The following FAM135B variants were observed in gnomAD, a reference collection of about 807,000 sequenced individuals.
FAM135B encodes protein FAM135B.
A neutral mutation model predicts 127.7 loss-of-function variants in FAM135B; 43 were observed. That is an observed-to-expected ratio of 0.34 (90% CI 0.26 to 0.43). FAM135B has a LOEUF of 0.43. Ranked by LOEUF, FAM135B falls within the 20% of genes least tolerant of loss-of-function variation. The probability of loss-of-function intolerance (pLI) is 1.00; values close to 1 mark genes in which losing one functional copy is unlikely to be tolerated. For synonymous variants in FAM135B, 670 were observed against 665.1 expected (o/e 1.01, Z -0.11); for missense variants, 1,558 against 1,725.6 (o/e 0.90, Z 1.72).
At chr8:138,154,025 G>A (rs1348349057) in intron 12 of FAM135B, among the ~76,000 whole-genome samples, 3 of 152,190 alleles carry the variant, frequency 2.0e-5, no homozygotes, top group African/African-American at 7.2e-5. Context: ...GCCTAACTAG[G>A]AGACACCTCC....
chr8:138,148,600 A>G lies in FAM135B; in HGVS notation c.3368T>C (p.Ile1123Thr). The G allele has an allele frequency of 1.2e-6, 2 of 1,612,786 alleles. No homozygotes were observed. The highest frequency in any genetic ancestry group is 1.7e-6 in the Non-Finnish European group (2 of 1,178,764). The part of the protein sequence containing the change: ...YSDLTVLASD[I>T]PYFPPEEEEE... ...CTCTTCCTCTGGTGGGAAATATGGT[A>G]TATCAGAAGCTAGTACAGTTAAGTC... The change falls in exon 14 of 20, where the codon ATA becomes ACA. Residue 1123 changes from isoleucine to threonine, a missense_variant. This residue lies in a region of FAM135B where 923 missense variants were observed against 865.3 expected (regional missense o/e 1.07). Coordinates refer to ENST00000395297, the MANE Select transcript of FAM135B (RefSeq NM_015912.4).
At chr8:138,407,934 C>CT (rs1047014551) in intron 1 of FAM135B, among the ~76,000 whole-genome samples, 125 of 152,272 alleles carry the variant, frequency 8.2e-4, no homozygotes, top group African/African-American at 2.9e-3. Context: ...TTAGAGGAAT[C>CT]TTTTTTTACT....
chr8:138,363,234 C>A (rs979510313), intron 2 of FAM135B, among the ~76,000 whole-genome samples: 1 of 152,182 alleles, frequency 6.6e-6, no homozygotes, highest in Non-Finnish European at 1.5e-5. Context: ...CAAGGCTGTA[C>A]TTGTAGTAGT....
intron 1 of FAM135B, among the ~76,000 whole-genome samples, chr8:138,406,608 T>C (rs1265627535): frequency 5.3e-5 from 8 of 151,894 alleles, no homozygotes; most frequent in African/African-American, 1.9e-4. Context: ...GTTCAATACA[T>C]GCAAATCAAT....
intron 7 of FAM135B, among the ~76,000 whole-genome samples, chr8:138,209,213 C>A (rs1817946104): frequency 6.6e-6 from 1 of 151,816 alleles, no homozygotes; most frequent in African/African-American, 2.4e-5. Context: ...GAGAATATAC[C>A]CAAAATGAAG....
At chr8:138,488,575 G>A (rs900326734) in intron 1 of FAM135B, among the ~76,000 whole-genome samples, 13 of 152,196 alleles carry the variant, frequency 8.5e-5, no homozygotes, top group Admixed American at 5.2e-4. Context: ...CCAACCAGCA[G>A]TGTAGACACA....
At chr8:138,375,060 C>G (rs1052687409) in intron 1 of FAM135B, among the ~76,000 whole-genome samples, 7 of 152,108 alleles carry the variant, frequency 4.6e-5, no homozygotes, top group African/African-American at 9.7e-5. Context: ...AATCAGGCTC[C>G]AAGACAGGAT....
rs568449383 is a variant in FAM135B at position 138,475,861 on chromosome 8, G to T, written c.-20+20810C>A. ...TTACAATCCAGCAATCATGCCCTTT[G>T]CATTTACCCAATTAGTTAAGAATTT... is the stretch of plus-strand genomic sequence containing the variant. On this transcript the variant is annotated intron_variant, in intron 1 of 19. Transcript: ENST00000395297. 5.3e-5 allele frequency among the ~76,000 whole-genome samples: 8 copies of T among 152,244 alleles called. No homozygotes were observed. The South Asian group carries it at 1.7e-3, about 32-fold the overall frequency.
chr8:138,210,433 T>A (rs911290812), intron 7 of FAM135B, among the ~76,000 whole-genome samples: 3 of 152,066 alleles, frequency 2.0e-5, no homozygotes, highest in Admixed American at 6.6e-5. Flanking sequence ...ACTGGGTAAT[T>A]TATGAAGAAA....
chr8:138,348,213 C>T (rs987258946), intron 2 of FAM135B, among the ~76,000 whole-genome samples: 1 of 148,808 alleles, frequency 6.7e-6, no homozygotes, highest in African/African-American at 2.5e-5. Flanking sequence ...CGGCTCACCG[C>T]AACCTCCACT....
At chr8:138,379,462 CT>C (rs1831696798) in intron 1 of FAM135B, among the ~76,000 whole-genome samples, 2 of 152,146 alleles carry the variant, frequency 1.3e-5, no homozygotes, top group East Asian at 3.9e-4. Flanking sequence ...AATAAAACAT[CT>C]GTATGTTGTG....
intron 1 of FAM135B, among the ~76,000 whole-genome samples, chr8:138,468,773 G>A (rs111963605): frequency 1.1e-3 from 174 of 152,194 alleles, no homozygotes; most frequent in African/African-American, 3.6e-3. Flanking sequence ...GGCCGGATAC[G>A]GTGGCTTATG....
chr8:138,383,512 A>G (rs1243827779), intron 1 of FAM135B, among the ~76,000 whole-genome samples: 1 of 152,214 alleles, frequency 6.6e-6, no homozygotes, highest in Non-Finnish European at 1.5e-5. Flanking sequence ...TTCATAATTT[A>G]TATAAAAATG....
intron 19 of FAM135B, among the ~76,000 whole-genome samples, chr8:138,135,730 T>G (rs1405055585): frequency 6.6e-6 from 1 of 152,204 alleles, no homozygotes; most frequent in African/African-American, 2.4e-5. Flanking sequence ...ATGCAAAGTC[T>G]TTCATCACAT....
In FAM135B at chr8:138,170,998, C is replaced by T. The variant is rs1004972399; in HGVS notation, c.1104-2949G>A. The stretch of plus-strand genomic sequence containing the variant: ...TTGGACTCTGGGACTCTCAACAACA[C>T]CCTCTGCACTCCATGCGCTCCCAGG... On this transcript the variant is annotated intron_variant, in intron 11 of 19. Coordinates refer to ENST00000395297, the MANE Select transcript of FAM135B (RefSeq NM_015912.4). Among the ~76,000 whole-genome samples the T allele has an allele frequency of 2.0e-5, 3 of 152,182 alleles. No homozygotes were observed. In the South Asian group the frequency reaches 6.2e-4, roughly 31 times the overall value.
chr8:138,312,750 C>A lies in FAM135B; in HGVS notation c.78-1830G>T, dbSNP rs115265703. On this transcript the variant is annotated intron_variant, in intron 2 of 19. Coordinates refer to ENST00000395297, the MANE Select transcript of FAM135B (RefSeq NM_015912.4). ...ATGAAAACACTGCATCCCCACCCAACCTGCCAAGAGAAGGACTTCAGCAGG... is the reference window on the plus strand; with the variant it reads ...ATGAAAACACTGCATCCCCACCCAAACTGCCAAGAGAAGGACTTCAGCAGG... 7.9e-3 allele frequency among the ~76,000 whole-genome samples: 1,199 copies of A among 152,262 alleles called. 14 individuals carry two copies. Among genetic ancestry groups the A allele is most frequent in the African/African-American group, 0.027 (1,126 of 41,538 alleles).
chr8:138,251,157 GA>G, intron 5 of FAM135B, 143 bp from the exon 6 acceptor site: 1 of 981,004 alleles, frequency 1.0e-6, no homozygotes. Flanking sequence ...CTGCCTGGTA[GA>G]AATCATTTTT....
intron 6 of FAM135B, among the ~76,000 whole-genome samples, chr8:138,244,377 G>T (rs1033846813): frequency 6.8e-6 from 1 of 146,348 alleles, no homozygotes; most frequent in African/African-American, 2.6e-5. Flanking sequence ...GCCTCTCAGG[G>T]TTCAACTCCC....
chr8:138,178,728 C>T (rs1184208811), intron 9 of FAM135B, 38 bp from the exon 10 acceptor site: 1 of 1,601,958 alleles, frequency 6.2e-7, no homozygotes, highest in South Asian at 1.1e-5. Flanking sequence ...AGGCTCCTGA[C>T]TCCATGAAGT....
Sources: gnomAD v4.1 joint callset for allele counts (sites outside exome capture counted in the v4.1 genomes callset) on GRCh38, gnomAD v4.1.1 for gene constraint, gnomAD v4.1.1 regional missense constraint, MANE v1.5 for transcripts, NCBI Gene and HGNC (gene_info 2026-07-23, HGNC 2026-07-21) for gene names.